CSF3R: variants seen among roughly 807,000 people sequenced by gnomAD.
CSF3R encodes granulocyte colony-stimulating factor receptor.
In CSF3R, 52 loss-of-function variants were observed where a neutral mutation model predicts 84.4. The ratio of observed to expected loss-of-function variants is 0.62; its 90% CI spans 0.49 to 0.78. The LOEUF (loss-of-function observed/expected upper bound fraction) is 0.78. CSF3R is among the 30% of genes least tolerant of loss of function. The probability of loss-of-function intolerance (pLI) is 0.00; values close to 1 mark genes in which losing one functional copy is unlikely to be tolerated. For missense variants in CSF3R, 890 were observed against 1,055.7 expected, an observed-to-expected ratio of 0.84 and a Z score of 2.17; for synonymous variants, 384 against 429.1, an observed-to-expected ratio of 0.89 and a Z score of 1.30.
rs1650861498 is a variant in CSF3R at position 36,472,808 on chromosome 1, G to T, written c.674-122C>A. 8.3e-7 allele frequency: 1 copy of T among 1,206,792 alleles called. No homozygotes were observed. 74.8% of individuals were successfully genotyped at this position (1,206,792 alleles called of 1,614,324 possible). A position where few individuals can be genotyped will look rare whatever the true frequency, so the allele number is the denominator to read the frequency against. On this transcript the variant is annotated intron_variant, in intron 6 of 16. Transcript: ENST00000373106. The surrounding 1 kb of genome is among the most constrained non-coding windows in gnomAD (Gnocchi z 5.0). ...TCCACGTTGCCAATGACACGTTTCT[G>T]TGGTTCGATCTCTATGTGTCTTTGT...
chr1:36,482,080 G>GGGGA (rs1557602733), intron 1 of CSF3R: 1 of 152,526 alleles, frequency 6.6e-6, no homozygotes, highest in African/African-American at 2.4e-5. Flanking sequence ...TGGGAAGGGT[G>GGGGA]GGGAGGGAGG....
chr1:36,481,676 A>T (rs982351540), intron 1 of CSF3R, 139 bp from the exon 2 acceptor site: 1 of 148,276 alleles, frequency 6.7e-6, no homozygotes, highest in Non-Finnish European at 1.5e-5. Flanking sequence ...TTCACGAGCC[A>T]TAAATAGCAG....
rs1570577567 is a variant in CSF3R at position 36,467,419 on chromosome 1, G to C, written c.1959-108C>G. 34 of 1,420,532 alleles carry C rather than the reference G, an allele frequency of 2.4e-5. No homozygotes were observed. Among genetic ancestry groups the C allele is most frequent in the Non-Finnish European group, 3.2e-5 (32 of 1,004,916 alleles). The allele number at this position is 1,420,532 out of a possible 1,614,324, so 88.0% of individuals were successfully genotyped here. ...GGTGCAGCTGCCCTTAGTGCAGAGA[G>C]AAGAAGCTGGGGGCTGGGACTCTCA... On this transcript the variant is annotated intron_variant, in intron 15 of 16. Transcript: ENST00000373106. This position sits in a 1 kb window ranked among gnomAD's most constrained non-coding sequence, Gnocchi z 4.1.
rs144754091 is a variant in CSF3R at position 36,467,645 on chromosome 1, G to A, written c.1871C>T (p.Ser624Leu). The change falls in exon 15 of 17, where the codon TCG (serine) becomes TTG (leucine). Residue 624 changes from serine to leucine, a missense_variant. Coordinates refer to ENST00000373106, the MANE Select transcript of CSF3R (RefSeq NM_000760.4). The surrounding 1 kb of genome is among the most constrained non-coding windows in gnomAD (Gnocchi z 4.1). ...LTLMTLTPEG[S>L]ELHIILGLFG... ...CAGGCCCAGGATGATGTGTAGCTCCGACCCCTCTGCAGTGAGGGCAGGGCC... is the reference window on the plus strand; with the variant it reads ...CAGGCCCAGGATGATGTGTAGCTCCAACCCCTCTGCAGTGAGGGCAGGGCC... 121 of 1,613,996 alleles carry A rather than the reference G, an allele frequency of 7.5e-5. 1 individual carries two copies. The South Asian group carries it at 9.0e-4, about 12-fold the overall frequency.
Position 36,468,114 on chromosome 1 carries a change from A to G in CSF3R, c.1684T>C (p.Tyr562His), listed in dbSNP as rs3917996. 1.3e-3 allele frequency: 2,134 copies of G among 1,614,166 alleles called. 28 individuals are homozygous for G. The African/African-American group carries it at 0.023, about 17-fold the overall frequency. The change falls in exon 13 of 17, where the codon TAC becomes CAC. Residue 562 changes from tyrosine to histidine, a missense_variant. Tyr to His is a moderately conservative substitution (Grantham distance 83, BLOSUM62 2). Transcript: ENST00000373106. ...TGAGCGTTGGTCCAGAAGATGGTGT[A>G]GTGGGTAAGGGGGCTCTTCCCCAGC... ...PELGKSPLTH[Y>H]TIFWTNAQNQ...
chr1:36,471,620 T>A lies in CSF3R; in HGVS notation c.1098A>T (p.Gly366=). ...WKPVPLEEDS[G]RIQGYVVSWR... ...AAGAAACCACATAACCTTGGATCCG[T>A]CCGCTGTCTTCCTCCAGGGGCACTG... The change falls in exon 10 of 17, where the codon GGA becomes GGT. Residue 366 remains glycine, a synonymous_variant. Transcript: ENST00000373106. 6.2e-7 allele frequency: 1 copy of A among 1,614,152 alleles called. No individual in the cohort carries two copies. The highest frequency in any genetic ancestry group is 8.5e-7 in the Non-Finnish European group (1 of 1,180,022).
intron 2 of CSF3R, among the ~76,000 whole-genome samples, chr1:36,480,678 G>A (rs774864391): frequency 2.0e-5 from 3 of 152,318 alleles, no homozygotes; most frequent in African/African-American, 7.2e-5. Context: ...GATCCCTCGT[G>A]CTCAGCAGGG....
chr1:36,468,999 G>T (rs942009208), intron 12 of CSF3R, 157 bp downstream of exon 12: 4 of 658,668 alleles, frequency 6.1e-6, no homozygotes. Flanking sequence ...CCAGCTGTAG[G>T]GATCCAGTGT....
chr1:36,467,119 A>T lies in CSF3R; in HGVS notation c.2040+111T>A. ...GTCTGCTTCAGTCCAAAGGGACGAGATGTTGCCGGAAGTGACAGGAAGGCC... is the reference window on the plus strand; with the variant it reads ...GTCTGCTTCAGTCCAAAGGGACGAGTTGTTGCCGGAAGTGACAGGAAGGCC... On this transcript the variant is annotated intron_variant, in intron 16 of 16. Transcript: ENST00000373106. The surrounding 1 kb of genome is among the most constrained non-coding windows in gnomAD (Gnocchi z 4.1). 7.5e-7 allele frequency: 1 copy of T among 1,335,448 alleles called. No individual in the cohort carries two copies. The highest frequency in any genetic ancestry group is 1.2e-5 in the South Asian group (1 of 83,922). 82.7% of individuals were successfully genotyped at this position (1,335,448 alleles called of 1,614,324 possible).
At position 36,475,413 on chromosome 1, in the gene CSF3R, G is replaced by T. The variant is rs147091245; in HGVS notation, c.325C>A (p.Leu109Met). ...LSCCLNWGNS[L>M]QILDQVELRA... ...AGCTCAACCTGGTCCAGGATCTGCA[G>T]GCTGTTGCCCCAGTTCAGGCAGCAG... is the stretch of plus-strand genomic sequence containing the variant. The change falls in exon 4 of 17, where the codon CTG (leucine) becomes ATG (methionine). Residue 109 changes from leucine (L) to methionine (M), a missense_variant. By Grantham distance (15) the Leu-to-Met change is conservative. Coordinates refer to ENST00000373106, the MANE Select transcript of CSF3R (RefSeq NM_000760.4). 36 of 1,614,016 alleles carry T rather than the reference G, an allele frequency of 2.2e-5. No homozygotes were observed. Among genetic ancestry groups the T allele is most frequent in the Non-Finnish European group, 3.0e-5 (35 of 1,180,044 alleles).
At position 36,472,584 on chromosome 1, in the gene CSF3R, C is replaced by G; in HGVS notation, c.776G>C (p.Gly259Ala). 1 of 1,614,100 alleles carries G rather than the reference C, an allele frequency of 6.2e-7. No homozygotes were observed. The highest frequency in any genetic ancestry group is 8.5e-7 in the Non-Finnish European group (1 of 1,180,016). Residue 259 changes from glycine to alanine, a missense_variant, in exon 7 of 17, where the codon GGC becomes GCC. By Grantham distance (60) the Gly-to-Ala change is moderately conservative. Transcript: ENST00000373106. The surrounding 1 kb of genome is among the most constrained non-coding windows in gnomAD (Gnocchi z 5.0). ...LQLCWEPWQPGLHINQKCELR... is the reference protein window; with the variant it reads ...LQLCWEPWQPALHINQKCELR... ...CTCACACTTCTGATTTATGTGCAGGCCTGGCTGCCATGGCTCCCAGCACAG... is the reference window on the plus strand; with the variant it reads ...CTCACACTTCTGATTTATGTGCAGGGCTGGCTGCCATGGCTCCCAGCACAG...
rs776240989 is a variant in CSF3R, at chr1:36,472,373, C to T, written c.862G>A (p.Glu288Lys). The change falls in exon 8 of 17, where the codon GAG becomes AAG. Residue 288 changes from glutamate (E) to lysine (K), a missense_variant. By Grantham distance (56) the Glu-to-Lys change is moderately conservative. Transcript: ENST00000373106. This position sits in a 1 kb window ranked among gnomAD's most constrained non-coding sequence, Gnocchi z 5.0. ...SWALVGPLPL[E>K]ALQYELCGLL... ...CCGCAGAGCTCATACTGAAGGGCCT[C>T]CAAGGGGAGGGGGCCCACCTGGTGA... 1 of 1,614,096 alleles carries T rather than the reference C, an allele frequency of 6.2e-7. No individual in the cohort carries two copies. Among genetic ancestry groups the T allele is most frequent in the Non-Finnish European group, 8.5e-7 (1 of 1,180,024 alleles).
Position 36,466,296 on chromosome 1 carries a change from C to G in CSF3R, c.*61G>C. 1 of 1,611,742 alleles carries G rather than the reference C, an allele frequency of 6.2e-7. No homozygotes were observed. Among genetic ancestry groups the G allele is most frequent in the Non-Finnish European group, 8.5e-7 (1 of 1,179,438 alleles). ...TAGTCATGGGCTTATGGACCCTCCCCTCTTCTCCAGCTAGCTCAGGCCTTT... is the reference window on the plus strand; with the variant it reads ...TAGTCATGGGCTTATGGACCCTCCCGTCTTCTCCAGCTAGCTCAGGCCTTT... On this transcript the variant is annotated 3_prime_UTR_variant, in exon 17 of 17. Coordinates refer to ENST00000373106, the MANE Select transcript of CSF3R (RefSeq NM_000760.4). This position sits in a 1 kb window ranked among gnomAD's most constrained non-coding sequence, Gnocchi z 4.6.
At chr1:36,482,964 C>T (rs1293406650), upstream of CSF3R, 1 of 152,278 alleles carries the variant, frequency 6.6e-6, no homozygotes, top group African/African-American at 2.4e-5. Flanking sequence ...GATTGCAACA[C>T]CTTCCGAGCC....
At chr1:36,471,840 GT>G in intron 9 of CSF3R, 194 bp from the exon 10 acceptor site, 1 of 687,156 alleles carries the variant, frequency 1.5e-6, no homozygotes, top group Non-Finnish European at 2.5e-6. Context: ...AAACAAGTTG[GT>G]GGACACAGCA....
Position 36,466,803 on chromosome 1 carries a change from C to G in CSF3R, c.2065G>C (p.Gly689Arg). ...EEDAFQLPGL[G>R]TPPITKLTVL... ...GTGAGCTTGGTGATGGGTGGCGTGC[C>G]AAGGCCGGGCAGCTGGAAGGCATCC... Residue 689 changes from glycine to arginine, a missense_variant, in exon 17 of 17, where the codon GGC (glycine) becomes CGC (arginine). Physicochemically the swap from Gly to Arg is moderately radical, Grantham distance 125 (BLOSUM62 -2). Transcript: ENST00000373106. The surrounding 1 kb of genome is among the most constrained non-coding windows in gnomAD (Gnocchi z 4.6). The G allele has an allele frequency of 1.2e-6, 2 of 1,614,172 alleles. No individual in the cohort carries two copies.
chr1:36,468,977 C>T (rs1557589045), intron 12 of CSF3R, 179 bp downstream of exon 12: 6 of 614,854 alleles, frequency 9.8e-6, no homozygotes, highest in East Asian at 8.4e-5. Flanking sequence ...TATCCCAGCA[C>T]CTGATTTCTG....
At chr1:36,474,627 T>G (rs893116994) in intron 4 of CSF3R, among the ~76,000 whole-genome samples, 1 of 152,084 alleles carries the variant, frequency 6.6e-6, no homozygotes, top group Non-Finnish European at 1.5e-5. Context: ...TTACTGATTC[T>G]TAAACAAGAA....
chr1:36,471,730 A>T, intron 9 of CSF3R, 84 bp from the exon 10 acceptor site: 1 of 1,384,238 alleles, frequency 7.2e-7, no homozygotes, highest in South Asian at 1.2e-5. Context: ...TGGATGGATC[A>T]TACAAACGGA....
Sources: gnomAD v4.1 joint callset for allele counts (sites outside exome capture counted in the v4.1 genomes callset) on GRCh38, gnomAD v4.1.1 for gene constraint, Gnocchi (gnomAD v3.1) non-coding constraint, MANE v1.5 for transcripts, NCBI Gene and HGNC (gene_info 2026-07-23, HGNC 2026-07-21) for gene names.